Variants in TGFB2 observed in about 807,000 individuals in gnomAD.
TGFB2 encodes transforming growth factor beta-2 proprotein.
TGFB2 carries 13 observed loss-of-function variants against 42.7 expected under a neutral mutation model. That is an observed-to-expected ratio of 0.30 (90% confidence interval 0.20 to 0.48). TGFB2 has a LOEUF of 0.48. TGFB2 is among the 20% of genes least tolerant of loss of function. The probability of loss-of-function intolerance (pLI) is 0.99; values close to 1 mark genes in which losing one functional copy is unlikely to be tolerated. For synonymous variants in TGFB2, 193 were observed against 193.6 expected (o/e 1.00, Z 0.03); for missense variants, 390 against 517.5 (o/e 0.75, Z 2.39).
intron 6 of TGFB2, 106 bp downstream of exon 6, chr1:218,437,602 C>A: frequency 2.5e-6 from 3 of 1,216,592 alleles, no homozygotes; most frequent in East Asian, 2.6e-5. Context: ...CTTACCATCA[C>A]ACATGTATGG....
chr1:218,368,650 T>C (rs61823391), intron 1 of TGFB2, among the ~76,000 whole-genome samples: 37,122 of 152,118 alleles, frequency 0.24, 5,526 homozygotes, highest in South Asian at 0.37. Flanking sequence ...TGAGGTGTAA[T>C]TTTATATAAG....
Position 218,405,108 on chromosome 1 carries a change from A to G in TGFB2, c.347-61A>G, listed in dbSNP as rs545396684. ...GTTTCTTGGGATTATCTCACGCTAC[A>G]GTCTTCTCTGAAAGCACAATGGATT... On this transcript the variant is annotated intron_variant, in intron 1 of 6. Transcript: ENST00000366930. 48 of 1,508,754 alleles carry G rather than the reference A, an allele frequency of 3.2e-5. No homozygotes were observed. In the African/African-American group the frequency reaches 4.3e-4, roughly 14 times the overall value. 93.5% of individuals were successfully genotyped at this position (1,508,754 alleles called of 1,614,324 possible).
At position 218,362,846 on chromosome 1, in the gene TGFB2, T is replaced by G. The variant is rs193006372; in HGVS notation, c.346+15799T>G. ...AGCCCCAAACCAATATTCACTTGTA[T>G]TTTTGACTCATTCAAGAAGGAGTTT... On this transcript the variant is annotated intron_variant, in intron 1 of 6. Coordinates refer to ENST00000366930, the MANE Select transcript of TGFB2 (RefSeq NM_003238.6). 2.0e-3 allele frequency among the ~76,000 whole-genome samples: 302 copies of G among 152,316 alleles called. No individual in the cohort carries two copies. The Middle Eastern group carries it at 0.02, about 10-fold the overall frequency.
intron 1 of TGFB2, among the ~76,000 whole-genome samples, chr1:218,403,224 T>C (rs529975733): frequency 6.6e-6 from 1 of 152,310 alleles, no homozygotes; most frequent in East Asian, 1.9e-4. Context: ...TGTTTGTTTG[T>C]TTGTTTCTGA....
chr1:218,384,664 G>C (rs1267295456), intron 1 of TGFB2, among the ~76,000 whole-genome samples: 2 of 152,146 alleles, frequency 1.3e-5, no homozygotes, highest in African/African-American at 4.8e-5. Flanking sequence ...GAGAGAGGCT[G>C]GCTTTCCAGG....
chr1:218,434,026 A>G, intron 2 of TGFB2, 56 bp from the exon 3 acceptor site: 1 of 1,603,848 alleles, frequency 6.2e-7, no homozygotes, highest in Non-Finnish European at 8.5e-7. Flanking sequence ...GTTTTGGTTT[A>G]GTCATGCTGT....
In TGFB2 at chr1:218,379,487, C is replaced by CT. The variant is rs59224313; in HGVS notation, c.347-25668dup. Among the ~76,000 whole-genome samples, 446 of 133,372 alleles carry CT rather than the reference C, an allele frequency of 3.3e-3. 6 individuals are homozygous for CT. The highest frequency in any genetic ancestry group is 0.027 in the Middle Eastern group (7 of 258). The allele number at this position is 133,372 out of a possible 152,430, so 87.5% of individuals were successfully genotyped here. A position where few individuals can be genotyped will look rare whatever the true frequency, so the allele number is the denominator to read the frequency against. On this transcript the variant is annotated intron_variant, in intron 1 of 6. Transcript: ENST00000366930. ...TTTCTTTTTCTTTCTTTCTTTCTTTCTTTTTTTTTTTTTTACTTCTGCGAG... is the reference window on the plus strand; with the variant it reads ...TTTCTTTTTCTTTCTTTCTTTCTTTCTTTTTTTTTTTTTTTACTTCTGCGAG...
Position 218,441,441 on chromosome 1 carries a change from A to G in TGFB2, c.*79A>G, listed in dbSNP as rs1660149295. Reference sequence around the variant, plus strand: ...GACGACGACAACGATGATGCTTGTAACAAGAAAACATAAGAGAGCCTTGGT... The same window carrying G: ...GACGACGACAACGATGATGCTTGTAGCAAGAAAACATAAGAGAGCCTTGGT... On this transcript the variant is annotated 3_prime_UTR_variant, in exon 7 of 7. Transcript: ENST00000366930. 9 of 1,451,354 alleles carry G rather than the reference A, an allele frequency of 6.2e-6. No homozygotes were observed. Among genetic ancestry groups the G allele is most frequent in the Non-Finnish European group, 8.3e-6 (9 of 1,087,236 alleles). The allele number at this position is 1,451,354 out of a possible 1,614,324, so 89.9% of individuals were successfully genotyped here. A position where few individuals can be genotyped will look rare whatever the true frequency, so the allele number is the denominator to read the frequency against.
In TGFB2 at chr1:218,430,322, G is replaced by C. The variant is rs1413271825; in HGVS notation, c.511-3760G>C. On this transcript the variant is annotated intron_variant, in intron 2 of 6. Coordinates refer to ENST00000366930, the MANE Select transcript of TGFB2 (RefSeq NM_003238.6). ...AGGCGAGAGAATCACTTGAACCCTG[G>C]AGGCGGAGGTTGCAGTGAGCCAAGA... 2.0e-5 allele frequency among the ~76,000 whole-genome samples: 3 copies of C among 152,004 alleles called. No individual in the cohort carries two copies. In the South Asian group the frequency reaches 6.2e-4, roughly 32 times the overall value.
chr1:218,401,714 T>C (rs1658726114), intron 1 of TGFB2, among the ~76,000 whole-genome samples: 1 of 151,972 alleles, frequency 6.6e-6, no homozygotes, highest in East Asian at 1.9e-4. Context: ...AATGAGTTCT[T>C]GGAGGAAGCA....
intron 2 of TGFB2, chr1:218,405,653 G>C: frequency 5.3e-6 from 2 of 380,090 alleles, no homozygotes; most frequent in Non-Finnish European, 5.1e-6. Context: ...ACAGACATGA[G>C]CCACCATACC....
intron 1 of TGFB2, among the ~76,000 whole-genome samples, chr1:218,404,878 A>G (rs754085524): frequency 3.3e-5 from 5 of 152,196 alleles, no homozygotes; most frequent in Non-Finnish European, 5.9e-5. Context: ...AAAACCATCT[A>G]TGATTTCCAC....
rs935000892 is a variant in TGFB2 at position 218,346,070 on chromosome 1, A to G, written c.-632A>G. On this transcript the variant is annotated 5_prime_UTR_variant, in exon 1 of 7. Transcript: ENST00000366930. The surrounding 1 kb of genome is among the most constrained non-coding windows in gnomAD (Gnocchi z 4.9). ...CGCGCGCACACGCACACACACACAC[A>G]CACACACACACGCACGCACACACGT... 1.3e-5 allele frequency among the ~76,000 whole-genome samples: 2 copies of G among 151,398 alleles called. No homozygotes were observed. Among genetic ancestry groups the G allele is most frequent in the Non-Finnish European group, 2.9e-5 (2 of 67,836 alleles).
intron 1 of TGFB2, among the ~76,000 whole-genome samples, chr1:218,367,392 G>T (rs1657421311): frequency 6.6e-6 from 1 of 152,112 alleles, no homozygotes; most frequent in African/African-American, 2.4e-5. Context: ...TCAACCAGAG[G>T]CATTAGAGCA....
intron 1 of TGFB2, among the ~76,000 whole-genome samples, chr1:218,383,992 G>A (rs1571856475): frequency 6.6e-6 from 1 of 152,122 alleles, no homozygotes; most frequent in Non-Finnish European, 1.5e-5. Context: ...CATTTATGAC[G>A]ATTTTGTGGT....
At chr1:218,354,254 G>A (rs1330695502) in intron 1 of TGFB2, among the ~76,000 whole-genome samples, 1 of 152,186 alleles carries the variant, frequency 6.6e-6, no homozygotes, top group African/African-American at 2.4e-5. Flanking sequence ...GTTCAAAGAG[G>A]TGTCAGGGCC....
intron 1 of TGFB2, among the ~76,000 whole-genome samples, chr1:218,361,782 C>A (rs1186595147): frequency 6.6e-6 from 1 of 152,192 alleles, no homozygotes; most frequent in Non-Finnish European, 1.5e-5. Flanking sequence ...CCTGTCTTTG[C>A]TGACTGGTTA....
At chr1:218,347,836 A>AT (rs1195417583) in intron 1 of TGFB2, among the ~76,000 whole-genome samples, 1 of 151,492 alleles carries the variant, frequency 6.6e-6, no homozygotes, top group Middle Eastern at 3.4e-3. Context: ...GTAGCAGATC[A>AT]TTTTTCTTAC....
chr1:218,405,350 T>C lies in TGFB2; in HGVS notation c.510+18T>C, dbSNP rs1366373958. 1 of 1,610,504 alleles carries C rather than the reference T, an allele frequency of 6.2e-7. No homozygotes were observed. Among genetic ancestry groups the C allele is most frequent in the Non-Finnish European group, 8.5e-7 (1 of 1,179,122 alleles). ...TATATCAGGTAATGTTCATTTGTTG[T>C]TGTTGTTGTTGTTGTTGTTGTTGTT... On this transcript the variant is annotated intron_variant, in intron 2 of 6. Transcript: ENST00000366930.
Sources: gnomAD v4.1 joint callset for allele counts (sites outside exome capture counted in the v4.1 genomes callset) on GRCh38, gnomAD v4.1.1 for gene constraint, Gnocchi (gnomAD v3.1) non-coding constraint, MANE v1.5 for transcripts, NCBI Gene and HGNC (gene_info 2026-07-23, HGNC 2026-07-21) for gene names.